TPST1: variants seen among roughly 807,000 people sequenced by gnomAD.
The protein encoded by TPST1 is tyrosylprotein sulfotransferase 1.
In TPST1, 20 loss-of-function variants were observed where a neutral mutation model predicts 34.8. That is an observed-to-expected ratio of 0.57 (90% CI 0.40 to 0.84). The LOEUF is 0.84. TPST1 is among the 40% of genes least tolerant of loss of function. The probability of loss-of-function intolerance (pLI) is 0.00; values close to 1 mark genes in which losing one functional copy is unlikely to be tolerated. For synonymous variants in TPST1, 152 were observed against 159.4 expected, an observed-to-expected ratio of 0.95 and a Z score of 0.35; for missense variants, 353 against 455.5, an observed-to-expected ratio of 0.78 and a Z score of 2.05.
intron 2 of TPST1, among the ~76,000 whole-genome samples, chr7:66,276,599 A>G (rs1286422124): frequency 5.9e-5 from 9 of 151,598 alleles, no homozygotes; most frequent in Non-Finnish European, 8.8e-5. Context: ...AAGGCATTCT[A>G]TTTCACTTAT....
upstream of TPST1, among the ~76,000 whole-genome samples, chr7:66,201,659 C>T (rs562196613): frequency 3.9e-5 from 6 of 151,954 alleles, no homozygotes; most frequent in East Asian, 9.7e-4. Context: ...CCACTGCACA[C>T]CAGCCTGGGC....
intron 3 of TPST1, among the ~76,000 whole-genome samples, chr7:66,346,714 T>G (rs1373591531): frequency 2.0e-5 from 3 of 152,204 alleles, no homozygotes; most frequent in Admixed American, 2.0e-4. Context: ...AGCTCTTTAT[T>G]CTGGTTATTA....
At chr7:66,293,993 T>A (rs1791140981) in intron 3 of TPST1, among the ~76,000 whole-genome samples, 1 of 152,208 alleles carries the variant, frequency 6.6e-6, no homozygotes, top group Non-Finnish European at 1.5e-5. Flanking sequence ...TCAAATCAGA[T>A]CTTATACATT....
intron 3 of TPST1, among the ~76,000 whole-genome samples, chr7:66,312,882 AG>A (rs1274553124): frequency 1.3e-5 from 2 of 152,198 alleles, no homozygotes; most frequent in Non-Finnish European, 2.9e-5. Flanking sequence ...ATGTCTGCAA[AG>A]GAGACAACAG....
chr7:66,248,263 T>C (rs747474446), intron 2 of TPST1, among the ~76,000 whole-genome samples: 134 of 152,046 alleles, frequency 8.8e-4, no homozygotes, highest in Non-Finnish European at 1.7e-3. Context: ...TGGAGCACCC[T>C]TTTTTTCAAG....
intron 2 of TPST1, among the ~76,000 whole-genome samples, chr7:66,276,197 C>G (rs1196037988): frequency 6.6e-6 from 1 of 151,182 alleles, no homozygotes; most frequent in Non-Finnish European, 1.5e-5. Flanking sequence ...ATTAAAAAAA[C>G]TTTTTAAAAA....
At chr7:66,274,921 G>A (rs1302307608) in intron 2 of TPST1, among the ~76,000 whole-genome samples, 1 of 152,128 alleles carries the variant, frequency 6.6e-6, no homozygotes, top group Admixed American at 6.5e-5. Context: ...TAGGCCAGGT[G>A]CAGTGGCTCA....
At chr7:66,222,003 G>C (rs1357748382) in intron 1 of TPST1, among the ~76,000 whole-genome samples, 1 of 151,868 alleles carries the variant, frequency 6.6e-6, no homozygotes, top group Non-Finnish European at 1.5e-5. Context: ...ATGTTTATTT[G>C]TTGACTATTT....
chr7:66,269,567 C>T (rs532092474), intron 2 of TPST1, among the ~76,000 whole-genome samples: 4 of 151,694 alleles, frequency 2.6e-5, no homozygotes, highest in South Asian at 2.1e-4. Context: ...AATAAAAGCT[C>T]TTAAGAAGGA....
chr7:66,310,485 C>T (rs1791507790), intron 3 of TPST1, among the ~76,000 whole-genome samples: 1 of 152,058 alleles, frequency 6.6e-6, no homozygotes, highest in Non-Finnish European at 1.5e-5. Flanking sequence ...TATTCTATTA[C>T]CGTGTGTTCA....
intron 1 of TPST1, among the ~76,000 whole-genome samples, chr7:66,228,308 A>G (rs977781059): frequency 1.3e-5 from 2 of 152,176 alleles, no homozygotes; most frequent in Non-Finnish European, 2.9e-5. Context: ...GTTGTTAAGG[A>G]AATTTTATTT....
intron 3 of TPST1, among the ~76,000 whole-genome samples, chr7:66,303,857 A>C (rs764328005): frequency 6.6e-6 from 1 of 152,202 alleles, no homozygotes; most frequent in African/African-American, 2.4e-5. Context: ...TAAACCTTAC[A>C]CGTAGAAAAA....
intron 1 of TPST1, among the ~76,000 whole-genome samples, chr7:66,212,690 C>T (rs1264336805): frequency 6.6e-6 from 1 of 152,110 alleles, no homozygotes; most frequent in Non-Finnish European, 1.5e-5. Context: ...GAACGCCTGA[C>T]CTCAAGTGAT....
At chr7:66,280,619 T>G (rs2420456) in intron 2 of TPST1, among the ~76,000 whole-genome samples, 34,378 of 152,082 alleles carry the variant, frequency 0.23, 4,072 homozygotes, top group East Asian at 0.3. Flanking sequence ...TTCTTACTAC[T>G]CTATCTAGGA....
intron 3 of TPST1, among the ~76,000 whole-genome samples, chr7:66,306,411 G>C (rs1459886945): frequency 1.3e-5 from 2 of 152,216 alleles, no homozygotes; most frequent in Non-Finnish European, 2.9e-5. Flanking sequence ...ATACATAAAA[G>C]TGGAGAGCTC....
chr7:66,298,869 A>T (rs1410169996), intron 3 of TPST1, among the ~76,000 whole-genome samples: 1 of 152,088 alleles, frequency 6.6e-6, no homozygotes, highest in African/African-American at 2.4e-5. Flanking sequence ...CACACCTGTA[A>T]TCCCAGCACT....
intron 3 of TPST1, among the ~76,000 whole-genome samples, chr7:66,328,915 T>A (rs1791939580): frequency 1.0e-5 from 1 of 100,250 alleles, no homozygotes; most frequent in Non-Finnish European, 2.0e-5. Flanking sequence ...TATTTTTTTT[T>A]TTTTTTTTTT....
chr7:66,252,495 C>T (rs564685555), intron 2 of TPST1, among the ~76,000 whole-genome samples: 1 of 151,750 alleles, frequency 6.6e-6, no homozygotes, highest in African/African-American at 2.4e-5. Context: ...GCGCCCACCA[C>T]CATGCCCGGC....
At chr7:66,323,829 A>G (rs1179900822) in intron 3 of TPST1, among the ~76,000 whole-genome samples, 2 of 152,220 alleles carry the variant, frequency 1.3e-5, no homozygotes, top group Non-Finnish European at 1.5e-5. Context: ...ATACATGGGA[A>G]ATAGTACAGT....
Sources: gnomAD v4.1 joint callset for allele counts (sites outside exome capture counted in the v4.1 genomes callset) on GRCh38, gnomAD v4.1.1 for gene constraint, MANE v1.5 for transcripts, NCBI Gene and HGNC (gene_info 2026-07-23, HGNC 2026-07-21) for gene names.